INVS: variants seen among roughly 807,000 people sequenced by gnomAD.
INVS encodes the protein inversin, also known as inversion of embryo turning homolog.
INVS carries 86 observed loss-of-function variants against 108.8 expected under a neutral mutation model. The observed-to-expected ratio is 0.79, with a 90% CI of 0.66 to 0.95. The LOEUF (loss-of-function observed/expected upper bound fraction) is 0.95. INVS is among the 40% of genes least tolerant of loss of function. The pLI, the probability that INVS is intolerant of heterozygous loss-of-function variation, is 0.00. For synonymous variants in INVS, 455 were observed against 473.5 expected (o/e 0.96, Z 0.51); for missense variants, 1,169 against 1,297.4 (o/e 0.90, Z 1.52).
intron 8 of INVS, among the ~76,000 whole-genome samples, chr9:100,247,757 CTT>C (rs1006628019): frequency 9.9e-5 from 15 of 152,086 alleles, no homozygotes; most frequent in African/African-American, 3.4e-4. Context: ...ACAATAAAGA[CTT>C]TAACTTTCAA....
At chr9:100,145,224 G>A (rs768828391) in intron 3 of INVS, among the ~76,000 whole-genome samples, 1 of 151,970 alleles carries the variant, frequency 6.6e-6, no homozygotes, top group African/African-American at 2.4e-5. Context: ...GTAGAGACAC[G>A]GAGGGAAGGG....
intron 3 of INVS, among the ~76,000 whole-genome samples, chr9:100,142,570 C>T (rs950755423): frequency 2.0e-5 from 3 of 151,940 alleles, no homozygotes; most frequent in Admixed American, 1.3e-4. Context: ...TGTGGGAGGC[C>T]GGGTTGAAGT....
At chr9:100,244,435 T>A (rs148153236) in intron 7 of INVS, among the ~76,000 whole-genome samples, 157 of 152,286 alleles carry the variant, frequency 1.0e-3, no homozygotes, top group African/African-American at 3.5e-3. Context: ...TTAAATGACT[T>A]GCTCATGGTC....
intron 5 of INVS, among the ~76,000 whole-genome samples, chr9:100,236,943 C>T (rs1407221927): frequency 3.3e-5 from 5 of 152,226 alleles, no homozygotes; most frequent in Admixed American, 6.5e-5. Context: ...TTTAAGTCTG[C>T]TGAAGCTGTG....
At chr9:100,256,687 C>T (rs933860372) in intron 10 of INVS, among the ~76,000 whole-genome samples, 1 of 152,184 alleles carries the variant, frequency 6.6e-6, no homozygotes, top group Non-Finnish European at 1.5e-5. Context: ...AGTAGTCATT[C>T]AGGAGCAGGT....
chr9:100,251,150 A>ATTGTTTTGTTTTTGTT (rs1832221134), intron 8 of INVS, among the ~76,000 whole-genome samples: 1 of 152,150 alleles, frequency 6.6e-6, no homozygotes. Flanking sequence ...TTGATGGGGA[A>ATTGTTTTGTTTTTGTT]TTGTTTTGTT....
intron 3 of INVS, among the ~76,000 whole-genome samples, chr9:100,168,654 A>C (rs1185293241): frequency 6.6e-6 from 1 of 152,160 alleles, no homozygotes. Flanking sequence ...TGAAGCTGTC[A>C]AATATCGGCC....
At chr9:100,192,083 C>A (rs897987200) in intron 3 of INVS, among the ~76,000 whole-genome samples, 1 of 152,026 alleles carries the variant, frequency 6.6e-6, no homozygotes, top group Non-Finnish European at 1.5e-5. Flanking sequence ...CCGCAGCCCA[C>A]CATTTCTTTC....
chr9:100,101,206 A>T (rs1826977509), intron 1 of INVS: 1 of 150,108 alleles, frequency 6.7e-6, no homozygotes, highest in African/African-American at 2.5e-5. Context: ...CAGGTCTTAG[A>T]GTTTAGAACA....
chr9:100,225,502 A>T (rs1366949618), intron 3 of INVS, among the ~76,000 whole-genome samples: 5 of 152,336 alleles, frequency 3.3e-5, no homozygotes, highest in African/African-American at 1.2e-4. Flanking sequence ...GTAAATTGGG[A>T]TTTAACATCT....
At chr9:100,138,949 AC>A (rs1211741265) in intron 3 of INVS, among the ~76,000 whole-genome samples, 1 of 151,824 alleles carries the variant, frequency 6.6e-6, no homozygotes, top group Non-Finnish European at 1.5e-5. Flanking sequence ...CAAGCAATCC[AC>A]CTGCCTCAGC....
intron 5 of INVS, among the ~76,000 whole-genome samples, chr9:100,237,215 G>A (rs1307364146): frequency 4.6e-5 from 7 of 152,102 alleles, no homozygotes; most frequent in East Asian, 1.9e-4. Context: ...CCCCCACCAC[G>A]CTCAGGCATC....
intron 5 of INVS, 141 bp downstream of exon 5, chr9:100,229,968 C>T (rs1432573779): frequency 2.6e-6 from 2 of 779,486 alleles, no homozygotes; most frequent in African/African-American, 3.5e-5. Flanking sequence ...ACTCATCCCC[C>T]AAGAAGTAGA....
intron 3 of INVS, among the ~76,000 whole-genome samples, chr9:100,188,317 C>T (rs939845020): frequency 6.6e-6 from 1 of 152,128 alleles, no homozygotes; most frequent in Non-Finnish European, 1.5e-5. Context: ...GTGGGTTTGT[C>T]ATATGTGGCT....
intron 11 of INVS, among the ~76,000 whole-genome samples, chr9:100,269,998 G>A (rs776058204): frequency 6.6e-6 from 1 of 152,052 alleles, no homozygotes; most frequent in Non-Finnish European, 1.5e-5. Context: ...AGTCTGCAAC[G>A]TATTACATTG....
chr9:100,186,538 G>A (rs1379113745), intron 3 of INVS, among the ~76,000 whole-genome samples: 1 of 152,004 alleles, frequency 6.6e-6, no homozygotes, highest in Non-Finnish European at 1.5e-5. Flanking sequence ...CTTGTTTTTT[G>A]ACTGTTTAAT....
chr9:100,132,203 G>T (rs1049862043), intron 3 of INVS, among the ~76,000 whole-genome samples: 2 of 147,540 alleles, frequency 1.4e-5, no homozygotes, highest in African/African-American at 5.0e-5. Context: ...ACTTAATAAA[G>T]ACAGTAATTT....
rs1259687445 is a variant in INVS, at chr9:100,252,294, G to C, written c.1090G>C (p.Ala364Pro). 1.2e-6 allele frequency: 2 copies of C among 1,614,038 alleles called. No individual in the cohort carries two copies. Among genetic ancestry groups the C allele is most frequent in the Non-Finnish European group, 1.7e-6 (2 of 1,179,934 alleles). ...TGGTTCCCTTTTAGCTTTGCATGCTGCTGCTCTTTCTGGCCATGTCAGCAC... is the reference window on the plus strand; with the variant it reads ...TGGTTCCCTTTTAGCTTTGCATGCTCCTGCTCTTTCTGGCCATGTCAGCAC... Reference protein sequence around the residue: ...DKYGGTALHAAALSGHVSTVK... With the variant: ...DKYGGTALHAPALSGHVSTVK... The change falls in exon 9 of 17, where the codon GCT (alanine) becomes CCT (proline). Residue 364 changes from alanine (A) to proline (P), a missense_variant. Ala to Pro is a conservative substitution (Grantham distance 27). Transcript: ENST00000262457.
chr9:100,261,239 A>G (rs1458912092), intron 10 of INVS, among the ~76,000 whole-genome samples: 1 of 151,440 alleles, frequency 6.6e-6, no homozygotes, highest in Non-Finnish European at 1.5e-5. Context: ...AATATGGTCC[A>G]TGTCTTTATG....
Sources: gnomAD v4.1 joint callset for allele counts (sites outside exome capture counted in the v4.1 genomes callset) on GRCh38, gnomAD v4.1.1 for gene constraint, MANE v1.5 for transcripts, NCBI Gene and HGNC (gene_info 2026-07-23, HGNC 2026-07-21) for gene names.